ANXA1: variants seen among roughly 807,000 people sequenced by gnomAD.
ANXA1 encodes annexin A1.
ANXA1 carries 39 observed loss-of-function variants against 47.9 expected under a neutral mutation model. That is an observed-to-expected ratio of 0.81 (90% CI 0.63 to 1.06). The LOEUF (loss-of-function observed/expected upper bound fraction) is 1.06, where lower values mean the gene tolerates loss of function less well. ANXA1 is among the 50% of genes least tolerant of loss of function. The pLI, the probability that ANXA1 is intolerant of heterozygous loss-of-function variation, is 0.00. For synonymous variants in ANXA1, 146 were observed against 142.5 expected (o/e 1.02, Z -0.17); for missense variants, 446 against 422.7 (o/e 1.06, Z -0.48).
chr9:73,155,979 C>T (rs1486429829), intron 1 of ANXA1, among the ~76,000 whole-genome samples: 1 of 149,166 alleles, frequency 6.7e-6, no homozygotes, highest in Non-Finnish European at 1.5e-5. Flanking sequence ...AAAAACAGTA[C>T]AGTAAAGTTT....
At chr9:73,157,822 C>G (rs1039628109) in intron 1 of ANXA1, 1 of 152,120 alleles carries the variant, frequency 6.6e-6, no homozygotes, top group Admixed American at 6.6e-5. Flanking sequence ...GATGAATGGT[C>G]TTTCGGAAAC....
In ANXA1 at chr9:73,162,384, A is replaced by G. The variant is rs536710716; in HGVS notation, c.476-398A>G. 1.2e-4 allele frequency among the ~76,000 whole-genome samples: 18 copies of G among 152,306 alleles called. No individual in the cohort carries two copies. In the East Asian group the frequency reaches 3.5e-3, roughly 29 times the overall value. On this transcript the variant is annotated intron_variant, in intron 6 of 12. Coordinates refer to ENST00000257497, the MANE Select transcript of ANXA1 (RefSeq NM_000700.3). ...AAGACATTTATAGTTTTTAAACTAA[A>G]TAAATAATTTGCATTCAAGCAAGTA...
intron 9 of ANXA1, among the ~76,000 whole-genome samples, chr9:73,165,701 C>T (rs1824217617): frequency 6.6e-6 from 1 of 151,996 alleles, no homozygotes; most frequent in Non-Finnish European, 1.5e-5. Context: ...TGACAATTAC[C>T]AAAGTTCACC....
intron 1 of ANXA1, among the ~76,000 whole-genome samples, chr9:73,157,314 A>G (rs1824063215): frequency 6.6e-6 from 1 of 152,184 alleles, no homozygotes; most frequent in Non-Finnish European, 1.5e-5. Flanking sequence ...AAAATTTTAA[A>G]TCTGAATTCA....
chr9:73,153,226 A>G (rs1274166660), intron 1 of ANXA1, among the ~76,000 whole-genome samples: 4 of 152,202 alleles, frequency 2.6e-5, no homozygotes, highest in Admixed American at 1.3e-4. Context: ...CATGCTTATT[A>G]AATACTTTTT....
chr9:73,153,354 A>G (rs1823999454), intron 1 of ANXA1, among the ~76,000 whole-genome samples: 1 of 152,212 alleles, frequency 6.6e-6, no homozygotes, highest in South Asian at 2.1e-4. Context: ...TTTCAATGAT[A>G]AACTATAAAC....
chr9:73,156,725 CT>C (rs1824054157), intron 1 of ANXA1, among the ~76,000 whole-genome samples: 1 of 152,136 alleles, frequency 6.6e-6, no homozygotes, highest in African/African-American at 2.4e-5. Flanking sequence ...CAGTTTATGC[CT>C]CATGAGTCAT....
chr9:73,170,132 A>C lies in ANXA1; in HGVS notation c.*25A>C, dbSNP rs1256269099. ...AACATTCCCTTGATGGTCTCAAGCT[A>C]TGATCAGAAGACTTTAATTATATAT... On this transcript the variant is annotated 3_prime_UTR_variant, in exon 13 of 13. Coordinates refer to ENST00000257497, the MANE Select transcript of ANXA1 (RefSeq NM_000700.3). 1 of 1,584,518 alleles carries C rather than the reference A, an allele frequency of 6.3e-7. No homozygotes were observed. The highest frequency in any genetic ancestry group is 1.2e-5 in the South Asian group (1 of 86,714).
At chr9:73,159,557 G>T (rs1346357154) in intron 4 of ANXA1, 134 bp downstream of exon 4, 4 of 618,368 alleles carry the variant, frequency 6.5e-6, no homozygotes, top group Middle Eastern at 2.9e-4. Flanking sequence ...TGGGATTGCA[G>T]TGTTTATCCA....
At chr9:73,160,701 T>C in intron 5 of ANXA1, 102 bp from the exon 6 acceptor site, 1 of 778,750 alleles carries the variant, frequency 1.3e-6, no homozygotes, top group Non-Finnish European at 2.2e-6. Context: ...TGAAATTTAC[T>C]AAATGACAGA....
At chr9:73,166,424 A>G (rs1313084646) in intron 10 of ANXA1, among the ~76,000 whole-genome samples, 1 of 152,136 alleles carries the variant, frequency 6.6e-6, no homozygotes, top group Non-Finnish European at 1.5e-5. Context: ...GACTATACTT[A>G]TTGAGCACCT....
At chr9:73,164,779 A>G (rs1824198515) in intron 8 of ANXA1, among the ~76,000 whole-genome samples, 2 of 152,154 alleles carry the variant, frequency 1.3e-5, no homozygotes, top group African/African-American at 4.8e-5. Flanking sequence ...GCTGATAATT[A>G]CTTTGAACAA....
chr9:73,160,969 CTATGGTAAT>C, intron 6 of ANXA1, 76 bp downstream of exon 6: 1 of 984,828 alleles, frequency 1.0e-6, no homozygotes, highest in Non-Finnish European at 1.5e-6. Context: ...AATTGACTGT[CTATGGTAAT>C]TATGGCAGCT....
chr9:73,161,492 C>T (rs1824141997), intron 6 of ANXA1, among the ~76,000 whole-genome samples: 1 of 152,094 alleles, frequency 6.6e-6, no homozygotes. Flanking sequence ...AAATGATGTG[C>T]TCAACACTGA....
chr9:73,160,129 T>C, intron 4 of ANXA1, 134 bp from the exon 5 acceptor site: 1 of 525,090 alleles, frequency 1.9e-6, no homozygotes, highest in Admixed American at 3.9e-5. Context: ...ACTTTGTATG[T>C]GAAGGGAAGA....
chr9:73,166,295 A>G (rs1824228622), intron 10 of ANXA1, 103 bp downstream of exon 10: 1 of 806,036 alleles, frequency 1.2e-6, no homozygotes, highest in Non-Finnish European at 1.9e-6. Flanking sequence ...ATAAAAGAAA[A>G]CAAAAAACAA....
At chr9:73,168,517 C>T (rs907345953) in intron 11 of ANXA1, 4 of 152,272 alleles carry the variant, frequency 2.6e-5, no homozygotes, top group African/African-American at 9.7e-5. Context: ...AAGAAGTAAC[C>T]CACACACAGG....
At chr9:73,157,379 A>C (rs1339204259) in intron 1 of ANXA1, among the ~76,000 whole-genome samples, 2 of 152,104 alleles carry the variant, frequency 1.3e-5, no homozygotes, top group African/African-American at 4.8e-5. Flanking sequence ...ATTGGCTGGG[A>C]GTGGTAGCTC....
At chr9:73,166,484 GA>G (rs1161172829) in intron 10 of ANXA1, among the ~76,000 whole-genome samples, 1 of 152,098 alleles carries the variant, frequency 6.6e-6, no homozygotes, top group African/African-American at 2.4e-5. Flanking sequence ...AGGCAATTCA[GA>G]ATGGTCACTG....
Sources: gnomAD v4.1 joint callset for allele counts (sites outside exome capture counted in the v4.1 genomes callset) on GRCh38, gnomAD v4.1.1 for gene constraint, MANE v1.5 for transcripts, NCBI Gene and HGNC (gene_info 2026-07-23, HGNC 2026-07-21) for gene names.